INKA2: variants seen among roughly 807,000 people sequenced by gnomAD.
INKA2 encodes the protein PAK4-inhibitor INKA2.
Under a neutral mutation model 9.8 loss-of-function variants are expected in INKA2, and 3 were observed. The ratio of observed to expected loss-of-function variants is 0.31; its 90% CI spans 0.14 to 0.79. The LOEUF is 0.79. Ranked by LOEUF, INKA2 falls within the 30% of genes least tolerant of loss-of-function variation. The probability of loss-of-function intolerance (pLI) is 0.62; values close to 1 mark genes in which losing one functional copy is unlikely to be tolerated. For missense variants in INKA2, 392 were observed against 384.4 expected, an observed-to-expected ratio of 1.02 and a Z score of -0.17; for synonymous variants, 147 against 143.3, an observed-to-expected ratio of 1.03 and a Z score of -0.18.
At position 111,739,197 on chromosome 1, in the gene INKA2, T is replaced by C. The variant is rs752544051; in HGVS notation, c.46A>G (p.Lys16Glu). The change falls in exon 1 of 2, where the codon AAA (lysine) becomes GAA (glutamate). Residue 16 changes from lysine to glutamate, a missense_variant. Coordinates refer to ENST00000357260, the MANE Select transcript of INKA2 (RefSeq NM_019099.5). ...REMDCYLRRLKQELMSMKEVG... is the reference protein window; with the variant it reads ...REMDCYLRRLEQELMSMKEVG... The stretch of plus-strand genomic sequence containing the variant: ...AGCTTCGCTCTTACCAGCTCCTGTT[T>C]GAGGCGACGGAGATAGCAGTCCATT... 1.9e-6 allele frequency: 3 copies of C among 1,613,674 alleles called. No individual in the cohort carries two copies. In the East Asian group the frequency reaches 6.7e-5, roughly 36 times the overall value.
chr1:111,747,851 TCAGA>T (rs1006033241), intron 1 of INKA2: 14 of 152,082 alleles, frequency 9.2e-5, no homozygotes, highest in Admixed American at 1.3e-4. Context: ...TGTGTGTGGT[TCAGA>T]CAGTCTGAAA....
intron 1 of INKA2, among the ~76,000 whole-genome samples, chr1:111,751,374 T>A (rs1383404021): frequency 6.6e-6 from 1 of 152,184 alleles, no homozygotes; most frequent in African/African-American, 2.4e-5. Flanking sequence ...CCTGAAAAAA[T>A]GTCAGTACTG....
chr1:111,742,417 T>A (rs1317954481), upstream of INKA2, among the ~76,000 whole-genome samples: 2 of 152,302 alleles, frequency 1.3e-5, no homozygotes, highest in Admixed American at 1.3e-4. Flanking sequence ...AAAACCCGTC[T>A]CTACTAAAAA....
chr1:111,726,902 C>T lies in INKA2; in HGVS notation c.*66G>A. On this transcript the variant is annotated 3_prime_UTR_variant, in exon 2 of 2. Transcript: ENST00000357260. The stretch of plus-strand genomic sequence containing the variant: ...GAGAGCCATACCGCCCACCCTCCCT[C>T]CTCCCCAGGGGCCCAGCACTGGGAC... 8.1e-6 allele frequency: 12 copies of T among 1,486,340 alleles called. No homozygotes were observed. The highest frequency in any genetic ancestry group is 1.1e-5 in the Non-Finnish European group (12 of 1,094,352). The allele number at this position is 1,486,340 out of a possible 1,614,324, so 92.1% of individuals were successfully genotyped here.
rs1662818791 is a variant in INKA2, at chr1:111,727,702, G to C, written c.160C>G (p.Gln54Glu). 6.2e-7 allele frequency: 1 copy of C among 1,613,898 alleles called. No homozygotes were observed. Among genetic ancestry groups the C allele is most frequent in the Non-Finnish European group, 8.5e-7 (1 of 1,179,866 alleles). The change falls in exon 2 of 2, where the codon CAG (glutamine) becomes GAG (glutamate). Residue 54 changes from glutamine (Q) to glutamate (E), a missense_variant. Coordinates refer to ENST00000357260, the MANE Select transcript of INKA2 (RefSeq NM_019099.5). ...GGACCCCCTCCAGAGATCTCCAGCTGTTCCAGTGCTGTCTGCACCTGGAGG... is the reference window on the plus strand; with the variant it reads ...GGACCCCCTCCAGAGATCTCCAGCTCTTCCAGTGCTGTCTGCACCTGGAGG... The part of the protein sequence containing the change: ...KLLQVQTALE[Q>E]LEISGGGPVP...
intron 1 of INKA2, among the ~76,000 whole-genome samples, chr1:111,728,582 G>A (rs1052865889): frequency 3.9e-5 from 6 of 152,122 alleles, no homozygotes; most frequent in Admixed American, 1.3e-4. Flanking sequence ...GAGCCACAAC[G>A]TGACCAAAAG....
Position 111,727,538 on chromosome 1 carries a change from A to T in INKA2, c.324T>A (p.His108Gln). 1.9e-6 allele frequency: 3 copies of T among 1,613,904 alleles called. No individual in the cohort carries two copies. Among genetic ancestry groups the T allele is most frequent in the Non-Finnish European group, 2.5e-6 (3 of 1,179,908 alleles). The part of the protein sequence containing the change: ...SLGSSTKFPS[H>Q]RSVCGRDLAP... ...CTAAATCCCTTCCACAGACACTCCT[A>T]TGGGATGGAAACTTGGTGCTGCTGC... Residue 108 changes from histidine (H) to glutamine (Q), a missense_variant, in exon 2 of 2, where the codon CAT (histidine) becomes CAA (glutamine). By Grantham distance (24) the His-to-Gln change is conservative (BLOSUM62 0). Transcript: ENST00000357260.
At chr1:111,755,795 C>T (rs1268385964) in exon 1 of INKA2, 12 of 1,609,314 alleles carry the variant, frequency 7.5e-6, no homozygotes, top group Non-Finnish European at 1.0e-5. Context: ...GACTCCCGTC[C>T]CTTTCTTCCA....
chr1:111,755,679 C>A (rs369610165), intron 1 of INKA2: 43 of 1,613,210 alleles, frequency 2.7e-5, no homozygotes, highest in Non-Finnish European at 3.5e-5. Flanking sequence ...GCGCCCTCTG[C>A]AGGCCACAGG....
At chr1:111,743,411 T>G (rs1452728908), upstream of INKA2, among the ~76,000 whole-genome samples, 1 of 152,136 alleles carries the variant, frequency 6.6e-6, no homozygotes, top group African/African-American at 2.4e-5. Context: ...TCCAGTGCTG[T>G]CAACTCTTGG....
chr1:111,755,112 C>T (rs963165603), intron 1 of INKA2: 4 of 133,372 alleles, frequency 3.0e-5, no homozygotes, highest in African/African-American at 1.1e-4. Context: ...GTCTATTAGG[C>T]ATCCCAAGGG....
rs1440652617 is a variant in INKA2 at position 111,722,744 on chromosome 1, T to TAC, written c.*4222_*4223dup. On this transcript the variant is annotated 3_prime_UTR_variant, in exon 2 of 2. Coordinates refer to ENST00000357260, the MANE Select transcript of INKA2 (RefSeq NM_019099.5). ...ACCTATTGTCTTCTCTGACCCTTGC[T>TAC]ACAATCCTGTGAGATATTAAATCAA... The TAC allele has an allele frequency of 3.7e-6, 1 of 272,894 alleles. No individual in the cohort carries two copies. The highest frequency in any genetic ancestry group is 5.1e-5 in the Admixed American group (1 of 19,504). 16.9% of individuals were successfully genotyped at this position (272,894 alleles called of 1,614,324 possible).
Position 111,727,061 on chromosome 1 carries a change from C to A in INKA2, c.801G>T (p.Glu267Asp). The A allele has an allele frequency of 1.2e-6, 2 of 1,614,060 alleles. No homozygotes were observed. The highest frequency in any genetic ancestry group is 1.7e-6 in the Non-Finnish European group (2 of 1,180,028). ...TGGGGGGATTCTCCCCTCGCCTGTG[C>A]TCCCCGGTGCCTGGGAAGGGGAAAT... Reference protein sequence around the residue: ...SGHFPFPGTGEHRRGENPPTS... With the variant: ...SGHFPFPGTGDHRRGENPPTS... Residue 267 changes from glutamate to aspartate, a missense_variant, in exon 2 of 2, where the codon GAG becomes GAT. Transcript: ENST00000357260.
chr1:111,752,598 T>G (rs1663434527), intron 1 of INKA2, among the ~76,000 whole-genome samples: 3 of 152,230 alleles, frequency 2.0e-5, no homozygotes, highest in Non-Finnish European at 4.4e-5. Flanking sequence ...TTTAAAATCT[T>G]AAGTTTTCTT....
upstream of INKA2, among the ~76,000 whole-genome samples, chr1:111,740,634 G>A (rs950542025): frequency 1.3e-5 from 2 of 152,232 alleles, no homozygotes; most frequent in African/African-American, 4.8e-5. Context: ...GAACGGTGCC[G>A]GCGCCGCCAT....
chr1:111,734,949 C>CA, intron 1 of INKA2, among the ~76,000 whole-genome samples: 1 of 152,344 alleles, frequency 6.6e-6, no homozygotes, highest in East Asian at 1.9e-4. Context: ...ATAAGCTCTG[C>CA]AATCAGACTG....
At chr1:111,730,394 C>G (rs1227749030) in intron 1 of INKA2, among the ~76,000 whole-genome samples, 1 of 152,156 alleles carries the variant, frequency 6.6e-6, no homozygotes, top group Non-Finnish European at 1.5e-5. Flanking sequence ...ATTTTTCCTC[C>G]CACAAATGTC....
intron 1 of INKA2, among the ~76,000 whole-genome samples, chr1:111,731,268 A>G (rs1236769213): frequency 6.6e-6 from 1 of 152,198 alleles, no homozygotes; most frequent in Non-Finnish European, 1.5e-5. Context: ...TCTGGAGACA[A>G]TGGAACAAAG....
upstream of INKA2, chr1:111,744,389 C>T (rs1426239100): frequency 3.9e-5 from 6 of 152,264 alleles, no homozygotes; most frequent in East Asian, 1.2e-3. Context: ...AGCAACTCAA[C>T]CCAAAAAGGT....
Sources: gnomAD v4.1 joint callset for allele counts (sites outside exome capture counted in the v4.1 genomes callset) on GRCh38, gnomAD v4.1.1 for gene constraint, MANE v1.5 for transcripts, NCBI Gene and HGNC (gene_info 2026-07-23, HGNC 2026-07-21) for gene names.